The following ENO2 variants were observed in gnomAD, a reference collection of about 807,000 sequenced individuals.
ENO2 encodes the protein enolase 2.
In ENO2, 19 loss-of-function variants were observed where a neutral mutation model predicts 48.7. The ratio of observed to expected loss-of-function variants is 0.39; its 90% confidence interval spans 0.27 to 0.57. ENO2 has a LOEUF of 0.57. ENO2 is among the 20% of genes least tolerant of loss of function. ENO2 has a pLI of 0.58. For synonymous variants in ENO2, 198 were observed against 213.4 expected, an observed-to-expected ratio of 0.93 and a Z score of 0.63; for missense variants, 416 against 555.0, an observed-to-expected ratio of 0.75 and a Z score of 2.52.
At position 6,923,559 on chromosome 12, in the gene ENO2, A is replaced by G. The variant is rs1472933357; in HGVS notation, c.*759A>G. On this transcript the variant is annotated 3_prime_UTR_variant, in exon 12 of 12. Transcript: ENST00000229277. ...TGCCTGGGGGAGTTTTCCTCTATAC[A>G]TCTCTCCCCAACCCTAGGTTCCCTG... The G allele has an allele frequency of 1.3e-5, 2 of 152,116 alleles. No individual in the cohort carries two copies. The highest frequency in any genetic ancestry group is 2.9e-5 in the Non-Finnish European group (2 of 68,082). 9.4% of individuals were successfully genotyped at this position (152,116 alleles called of 1,614,324 possible).
Position 6,917,966 on chromosome 12 carries a change from T to C in ENO2, c.471T>C (p.Ser157=). The change falls in exon 7 of 12, where the codon TCT becomes TCC. Residue 157 remains serine, a synonymous_variant. Coordinates refer to ENST00000229277, the MANE Select transcript of ENO2 (RefSeq NM_001975.3). ...CCTTCAACGTGATCAATGGTGGCTC[T>C]CATGCTGGCAACAAGCTGGCCATGC... ...VPAFNVINGG[S]HAGNKLAMQE... 6.2e-7 allele frequency: 1 copy of C among 1,614,156 alleles called. No homozygotes were observed. Among genetic ancestry groups the C allele is most frequent in the South Asian group, 1.1e-5 (1 of 91,076 alleles).
chr12:6,921,000 A>T (rs1428896593), intron 8 of ENO2, among the ~76,000 whole-genome samples: 1 of 151,976 alleles, frequency 6.6e-6, no homozygotes, highest in African/African-American at 2.4e-5. Context: ...TTAGCCAGGG[A>T]ACTCCTATCC....
Position 6,916,381 on chromosome 12 carries a change from C to T in ENO2, c.86-36C>T. On this transcript the variant is annotated intron_variant, in intron 2 of 11. Transcript: ENST00000229277. The surrounding 1 kb of genome is among the most constrained non-coding windows in gnomAD (Gnocchi z 4.5). Reference sequence around the variant, plus strand: ...TGAAGGACTCCCTGGCCCCTGTGTCCTCTTCACTCCCTCTCATTCCATGTT... The same window carrying T: ...TGAAGGACTCCCTGGCCCCTGTGTCTTCTTCACTCCCTCTCATTCCATGTT... The T allele has an allele frequency of 1.3e-6, 2 of 1,597,532 alleles. No homozygotes were observed. The highest frequency in any genetic ancestry group is 4.5e-5 in the East Asian group (2 of 44,642).
chr12:6,915,962 C>T (rs782443888), intron 2 of ENO2, 45 bp downstream of exon 2: 5 of 1,607,430 alleles, frequency 3.1e-6, no homozygotes, highest in Admixed American at 3.3e-5. Context: ...AGCTTTTCCA[C>T]GGCCAGGCTG....
chr12:6,915,581 A>G (rs1378629506), intron 1 of ENO2: 2 of 502,436 alleles, frequency 4.0e-6, no homozygotes, highest in South Asian at 2.3e-5. Flanking sequence ...ATTTGATCTT[A>G]CCCCGCCCCC....
rs1945345595 is a variant in ENO2 at position 6,922,021 on chromosome 12, G to A, written c.1068-35G>A. ...GGGCTGGGAAGAGAGTGCCCAGTGTGAGAGCTGGAGAATCAGTGCTGTGTG... is the reference window on the plus strand; with the variant it reads ...GGGCTGGGAAGAGAGTGCCCAGTGTAAGAGCTGGAGAATCAGTGCTGTGTG... On this transcript the variant is annotated intron_variant, in intron 9 of 11. Transcript: ENST00000229277. The surrounding 1 kb of genome is among the most constrained non-coding windows in gnomAD (Gnocchi z 5.3). 6.2e-7 allele frequency: 1 copy of A among 1,612,162 alleles called. No homozygotes were observed. The highest frequency in any genetic ancestry group is 1.3e-5 in the African/African-American group (1 of 74,878).
At chr12:6,919,478 A>G (rs531603799) in intron 7 of ENO2, 88 bp from the exon 8 acceptor site, 4 of 1,451,356 alleles carry the variant, frequency 2.8e-6, no homozygotes, top group South Asian at 1.3e-5. Flanking sequence ...ACAGCCCTCC[A>G]CCTCTGCCCT....
chr12:6,922,708 C>G lies in ENO2; in HGVS notation c.1236-23C>G, dbSNP rs781826030. On this transcript the variant is annotated intron_variant, in intron 11 of 11. Transcript: ENST00000229277. The surrounding 1 kb of genome is among the most constrained non-coding windows in gnomAD (Gnocchi z 5.3). ...GATCCTCCTGCATCCCTGACCACTT[C>G]CTTTGTGGTTCATCTCTCTCAGAAT... 6 of 1,613,802 alleles carry G rather than the reference C, an allele frequency of 3.7e-6. No individual in the cohort carries two copies. Among genetic ancestry groups the G allele is most frequent in the Non-Finnish European group, 4.2e-6 (5 of 1,179,852 alleles).
At chr12:6,917,298 CCTT>C (rs1384010547) in intron 5 of ENO2, 191 bp downstream of exon 5, 3 of 745,106 alleles carry the variant, frequency 4.0e-6, no homozygotes, top group Admixed American at 2.8e-5. Flanking sequence ...AGAAGGAAGA[CCTT>C]CTTTGCAGCA....
chr12:6,915,728 CAT>C, intron 1 of ENO2, 91 bp from the exon 2 acceptor site: 12 of 585,802 alleles, frequency 2.0e-5, no homozygotes, highest in South Asian at 1.1e-4. Context: ...ACCTCTTTCC[CAT>C]CCCTCCCAGC....
At position 6,916,638 on chromosome 12, in the gene ENO2, GC is replaced by G. The variant is rs1555141638; in HGVS notation, c.182-30del. On this transcript the variant is annotated intron_variant, in intron 3 of 11. Transcript: ENST00000229277. The surrounding 1 kb of genome is among the most constrained non-coding windows in gnomAD (Gnocchi z 4.5). ...CATTGATCCCTTCCGGCCCCTCCTGGCCCGACCCAGTCCAGCCTCTTCCTTT... is the reference window on the plus strand; with the variant it reads ...CATTGATCCCTTCCGGCCCCTCCTGGCCGACCCAGTCCAGCCTCTTCCTTT... 6.2e-7 allele frequency: 1 copy of G among 1,613,854 alleles called. No individual in the cohort carries two copies.
intron 7 of ENO2, among the ~76,000 whole-genome samples, 179 bp downstream of exon 7, chr12:6,918,341 TA>T (rs1487048063): frequency 6.6e-6 from 1 of 150,712 alleles, no homozygotes; most frequent in African/African-American, 2.5e-5. Flanking sequence ...CATGCAGACC[TA>T]GGGGGACAGT....
intron 8 of ENO2, among the ~76,000 whole-genome samples, chr12:6,921,036 C>A (rs1945336545): frequency 6.6e-6 from 1 of 152,198 alleles, no homozygotes; most frequent in Non-Finnish European, 1.5e-5. Context: ...ACCTCAGTAT[C>A]CCAAAGTGCT....
At chr12:6,918,571 C>T (rs936219873) in intron 7 of ENO2, among the ~76,000 whole-genome samples, 11 of 151,328 alleles carry the variant, frequency 7.3e-5, no homozygotes, top group African/African-American at 2.7e-4. Context: ...GAACTCCTGA[C>T]CTTGTGATCG....
Position 6,914,923 on chromosome 12 carries a change from A to G in ENO2, c.-13+264A>G, listed in dbSNP as rs1369119281. ...TCTCTCCCGGTGCTCGCCCTCATCT[A>G]CGGTTCTATTTGTTTCTAAGTTGGG... is the stretch of plus-strand genomic sequence containing the variant. On this transcript the variant is annotated intron_variant, in intron 1 of 11. Coordinates refer to ENST00000229277, the MANE Select transcript of ENO2 (RefSeq NM_001975.3). The surrounding 1 kb of genome is among the most constrained non-coding windows in gnomAD (Gnocchi z 7.1). Among the ~76,000 whole-genome samples, 1 of 151,670 alleles carries G rather than the reference A, an allele frequency of 6.6e-6. No individual in the cohort carries two copies. Among genetic ancestry groups the G allele is most frequent in the Admixed American group, 6.6e-5 (1 of 15,248 alleles).
intron 7 of ENO2, 69 bp downstream of exon 7, chr12:6,918,231 A>G: frequency 6.5e-7 from 1 of 1,526,748 alleles, no homozygotes; most frequent in South Asian, 1.2e-5. Context: ...AGGGTGACAC[A>G]GTTCACCAAG....
intron 2 of ENO2, 80 bp downstream of exon 2, chr12:6,915,997 T>C: frequency 2.1e-6 from 3 of 1,400,490 alleles, no homozygotes; most frequent in Non-Finnish European, 3.0e-6. Context: ...TTCGGAGGCC[T>C]TTTTTGATAC....
chr12:6,916,460 C>G lies in ENO2; in HGVS notation c.129C>G (p.Ile43Met). Residue 43 changes from isoleucine to methionine, a missense_variant, in exon 3 of 12, where the codon ATC becomes ATG. Coordinates refer to ENST00000229277, the MANE Select transcript of ENO2 (RefSeq NM_001975.3). This position sits in a 1 kb window ranked among gnomAD's most constrained non-coding sequence, Gnocchi z 4.5. ...AAVPSGASTG[I>M]YEALELRDGD... is the part of the protein sequence containing the mutation. ...TGCCCAGTGGAGCCTCTACGGGCAT[C>G]TATGAGGCCCTGGAGCTGAGGGATG... The G allele has an allele frequency of 6.2e-7, 1 of 1,614,064 alleles. No homozygotes were observed. Among genetic ancestry groups the G allele is most frequent in the Non-Finnish European group, 8.5e-7 (1 of 1,179,986 alleles).
chr12:6,918,619 G>A (rs1591652438), intron 7 of ENO2, among the ~76,000 whole-genome samples: 1 of 150,940 alleles, frequency 6.6e-6, no homozygotes, highest in South Asian at 2.1e-4. Context: ...GATTACAAGC[G>A]TGAGCCACCA....
Sources: gnomAD v4.1 joint callset for allele counts (sites outside exome capture counted in the v4.1 genomes callset) on GRCh38, gnomAD v4.1.1 for gene constraint, Gnocchi (gnomAD v3.1) non-coding constraint, MANE v1.5 for transcripts, NCBI Gene and HGNC (gene_info 2026-07-23, HGNC 2026-07-21) for gene names.